GPC3: variants seen among roughly 807,000 people sequenced by gnomAD.
GPC3 encodes glypican 3.
Under a neutral mutation model 34.4 loss-of-function variants are expected in GPC3, and 3 were observed. That is an observed-to-expected ratio of 0.09 (90% CI 0.04 to 0.23). GPC3 has a LOEUF of 0.23. GPC3 is among the 10% of genes least tolerant of loss of function. GPC3 has a pLI of 1.00. For missense variants in GPC3, 351 were observed against 445.6 expected, an observed-to-expected ratio of 0.79 and a Z score of 1.91; for synonymous variants, 177 against 174.0, an observed-to-expected ratio of 1.02 and a Z score of -0.13.
intron 6 of GPC3, among the ~76,000 whole-genome samples, chrX:133,635,643 T>C (rs1409974442): frequency 9.0e-6 from 1 of 110,750 alleles, no homozygotes; most frequent in African/African-American, 3.3e-5. Flanking sequence ...CTAGTTATGG[T>C]GTGCTGAACA....
intron 2 of GPC3, chrX:133,763,700 C>T: frequency 1.9e-6 from 1 of 522,023 alleles, no homozygotes; most frequent in Admixed American, 2.6e-5. Flanking sequence ...CTTATATCAG[C>T]TCTTAAGCAA....
intron 2 of GPC3, among the ~76,000 whole-genome samples, chrX:133,768,609 A>G (rs1463765130): frequency 9.0e-6 from 1 of 111,705 alleles, no homozygotes; most frequent in Non-Finnish European, 1.9e-5. Flanking sequence ...AGACATAGAT[A>G]ACAACCCAAG....
intron 7 of GPC3, among the ~76,000 whole-genome samples, chrX:133,546,961 A>G (rs2069392322): frequency 8.9e-6 from 1 of 112,185 alleles, no homozygotes; most frequent in African/African-American, 3.2e-5. Flanking sequence ...AAAATGTGGT[A>G]TGTATACACA....
chrX:133,882,015 G>A (rs1006874190), intron 2 of GPC3, among the ~76,000 whole-genome samples: 4 of 112,165 alleles, frequency 3.6e-5, no homozygotes, highest in African/African-American at 9.7e-5. Flanking sequence ...CTCCTTTTCC[G>A]TTGCTTCAAG....
chrX:133,545,244 C>G (rs773918986), intron 7 of GPC3, among the ~76,000 whole-genome samples: 1 of 111,400 alleles, frequency 9.0e-6, no homozygotes, highest in South Asian at 3.9e-4. Flanking sequence ...TGGGTTAACA[C>G]GGTCAAATGT....
chrX:133,632,556 T>C (rs1224255034), intron 6 of GPC3, among the ~76,000 whole-genome samples: 1 of 112,160 alleles, frequency 8.9e-6, no homozygotes, highest in African/African-American at 3.2e-5. Context: ...AGATAGATGA[T>C]GATGGATGAA....
At chrX:133,732,640 G>A (rs780236677) in intron 3 of GPC3, among the ~76,000 whole-genome samples, 22 of 111,207 alleles carry the variant, frequency 2.0e-4, no homozygotes, top group South Asian at 3.8e-4. Context: ...TATACAGATG[G>A]CTTCACTCAT....
intron 1 of GPC3, among the ~76,000 whole-genome samples, chrX:133,974,255 G>T (rs1344910648): frequency 9.0e-6 from 1 of 111,569 alleles, no homozygotes; most frequent in Non-Finnish European, 1.9e-5. Context: ...TCACTATGTT[G>T]CCCAGGCTGG....
chrX:133,912,511 GTTT>G (rs34078487), intron 2 of GPC3, among the ~76,000 whole-genome samples: 1 of 96,540 alleles, frequency 1.0e-5, no homozygotes, highest in African/African-American at 3.8e-5. Context: ...AAGGAATTGG[GTTT>G]TTTTTTTTTT....
At position 133,825,705 on chromosome X, in the gene GPC3, C is replaced by A. The variant is rs769653250; in HGVS notation, c.338-71529G>T. 1.9e-4 allele frequency among the ~76,000 whole-genome samples: 21 copies of A among 111,969 alleles called. No individual in the cohort carries two copies. In the South Asian group the frequency reaches 7.6e-3, roughly 40 times the overall value. On this transcript the variant is annotated intron_variant, in intron 2 of 7. Transcript: ENST00000370818. The stretch of plus-strand genomic sequence containing the variant: ...ATGGAAATACAGAAGGTCATGTACA[C>A]ATGTAGGGCTGTGCTCATCCTCGGG...
intron 2 of GPC3, among the ~76,000 whole-genome samples, chrX:133,920,472 T>C (rs943362071): frequency 8.9e-6 from 1 of 112,109 alleles, no homozygotes; most frequent in Non-Finnish European, 1.9e-5. Context: ...AACTGTGGCA[T>C]TATTTACACT....
chrX:133,642,790 AAAAGAAAG>A (rs1569403954), intron 6 of GPC3, among the ~76,000 whole-genome samples: 2 of 106,064 alleles, frequency 1.9e-5, no homozygotes, highest in Non-Finnish European at 3.8e-5. Flanking sequence ...AAAAAAAAAA[AAAAGAAAG>A]AAAGAAAGGA....
chrX:133,975,111 C>G (rs2076509527), intron 1 of GPC3, among the ~76,000 whole-genome samples: 1 of 110,785 alleles, frequency 9.0e-6, no homozygotes, highest in African/African-American at 3.3e-5. Context: ...TCTACTCCCT[C>G]TATTCTCTCA....
At chrX:133,540,947 T>C (rs2069336212) in intron 7 of GPC3, among the ~76,000 whole-genome samples, 1 of 107,379 alleles carries the variant, frequency 9.3e-6, no homozygotes. Flanking sequence ...TGTGTGTGTG[T>C]GTGTGTGTGC....
intron 2 of GPC3, among the ~76,000 whole-genome samples, chrX:133,832,664 A>G (rs1385575612): frequency 2.7e-5 from 3 of 111,743 alleles, no homozygotes; most frequent in Non-Finnish European, 3.8e-5. Flanking sequence ...ATAAATCCGT[A>G]TGATACTTGC....
chrX:133,551,267 C>T (rs922316556), intron 7 of GPC3, among the ~76,000 whole-genome samples: 3 of 110,856 alleles, frequency 2.7e-5, no homozygotes, highest in Admixed American at 9.6e-5. Flanking sequence ...TGAAGTCCCT[C>T]GCTTGGCTGT....
chrX:133,762,853 G>C (rs1390757525), intron 2 of GPC3: 6 of 533,203 alleles, frequency 1.1e-5, no homozygotes, highest in Non-Finnish European at 3.4e-6. Context: ...TAAGTTCCTT[G>C]CAGCAGGAAC....
chrX:133,711,215 T>C (rs1330616316), intron 3 of GPC3, among the ~76,000 whole-genome samples: 1 of 112,162 alleles, frequency 8.9e-6, no homozygotes, highest in African/African-American at 3.2e-5. Flanking sequence ...AGGTCTAGGA[T>C]TCCATCAACT....
chrX:133,959,100 G>C (rs1278312114), intron 1 of GPC3, among the ~76,000 whole-genome samples: 1 of 111,681 alleles, frequency 9.0e-6, no homozygotes, highest in African/African-American at 3.3e-5. Flanking sequence ...ATGGTCCACA[G>C]AAGGCTTTCT....
Sources: gnomAD v4.1 joint callset for allele counts (sites outside exome capture counted in the v4.1 genomes callset) on GRCh38, gnomAD v4.1.1 for gene constraint, MANE v1.5 for transcripts, NCBI Gene and HGNC (gene_info 2026-07-23, HGNC 2026-07-21) for gene names.